The following BAHCC1 variants were observed in gnomAD, a reference collection of about 807,000 sequenced individuals.
BAHCC1 encodes the protein BAH domain and coiled-coil containing 1.
Under a neutral mutation model 88.2 loss-of-function variants are expected in BAHCC1, and 43 were observed. The observed-to-expected ratio is 0.49, with a 90% CI of 0.38 to 0.63. BAHCC1 has a LOEUF of 0.63. BAHCC1 is among the 20% of genes least tolerant of loss of function. The probability of loss-of-function intolerance (pLI) is 0.00; values close to 1 mark genes in which losing one functional copy is unlikely to be tolerated. For missense variants in BAHCC1, 3,023 were observed against 1,654.8 expected (o/e 1.83, Z -14.34); for synonymous variants, 1,510 against 745.5 (o/e 2.03, Z -16.71).
chr17:81,456,953 C>A (rs1055672018), intron 16 of BAHCC1, among the ~76,000 whole-genome samples: 1 of 148,168 alleles, frequency 6.7e-6, no homozygotes, highest in African/African-American at 2.5e-5. Context: ...CCACCCCCCC[C>A]AGCAAACACG....
Position 81,442,134 on chromosome 17 carries a change from G to T in BAHCC1, c.785G>T (p.Cys262Phe). The change falls in exon 5 of 28, where the codon TGC becomes TTC. Residue 262 changes from cysteine to phenylalanine, a missense_variant. Physicochemically the swap from Cys to Phe is radical, Grantham distance 205. Transcript: ENST00000675386. ...LVLPVPADGH[C>F]REGGPAPRGA... The stretch of plus-strand genomic sequence containing the variant: ...CTGCCCGTGCCAGCCGACGGGCACT[G>T]CAGGGAGGGCGGCCCCGCACCCCGA... 3.0e-6 allele frequency: 2 copies of T among 668,698 alleles called. No homozygotes were observed. Among genetic ancestry groups the T allele is most frequent in the Non-Finnish European group, 5.4e-6 (2 of 367,144 alleles). 41.4% of individuals were successfully genotyped at this position (668,698 alleles called of 1,614,324 possible). A position where few individuals can be genotyped will look rare whatever the true frequency, so the allele number is the denominator to read the frequency against.
At chr17:81,439,543 C>T (rs973225538) in intron 4 of BAHCC1, among the ~76,000 whole-genome samples, 4 of 111,364 alleles carry the variant, frequency 3.6e-5, no homozygotes, top group South Asian at 3.2e-4. Flanking sequence ...TCTGGACACA[C>T]GGGGTGGGGT....
At position 81,450,350 on chromosome 17, in the gene BAHCC1, G is replaced by T. The variant is rs999230102; in HGVS notation, c.3977-1318G>T. On this transcript the variant is annotated intron_variant, in intron 11 of 27. Coordinates refer to ENST00000675386, the MANE Select transcript of BAHCC1 (RefSeq NM_001377448.1). ...CTCAGGGCTGGCTTCCCCTACTCAG[G>T]CCCTGAGTCCCCAACCTGGGCCCGA... Among the ~76,000 whole-genome samples, 16 of 152,206 alleles carry T rather than the reference G, an allele frequency of 1.1e-4. No homozygotes were observed. In the East Asian group the frequency reaches 3.1e-3, roughly 30 times the overall value.
At chr17:81,436,029 C>T (rs1363702569) in intron 3 of BAHCC1, among the ~76,000 whole-genome samples, 4 of 152,164 alleles carry the variant, frequency 2.6e-5, no homozygotes, top group South Asian at 2.1e-4. Flanking sequence ...CTTTCTCTGC[C>T]CCCTGCCCAA....
rs202044771 is a variant in BAHCC1, at chr17:81,407,352, C to T, written c.178+7435C>T. The T allele has an allele frequency of 5.0e-4, 261 of 520,068 alleles. 3 individuals are homozygous for T. Among genetic ancestry groups the T allele is most frequent in the Middle Eastern group, 3.2e-4 (1 of 3,146 alleles). 32.2% of individuals were successfully genotyped at this position (520,068 alleles called of 1,614,324 possible). A position where few individuals can be genotyped will look rare whatever the true frequency, so the allele number is the denominator to read the frequency against. On this transcript the variant is annotated intron_variant, in intron 2 of 27. Coordinates refer to ENST00000675386, the MANE Select transcript of BAHCC1 (RefSeq NM_001377448.1). ...CCATATTAAGTAAGAAAGAAACCAGCCTGCTGGCGTCTTCAAGGGAAGTCG... is the reference window on the plus strand; with the variant it reads ...CCATATTAAGTAAGAAAGAAACCAGTCTGCTGGCGTCTTCAAGGGAAGTCG...
intron 20 of BAHCC1, 26 bp from the exon 21 acceptor site, chr17:81,459,028 C>T (rs782470512): frequency 2.5e-5 from 18 of 732,454 alleles, no homozygotes; most frequent in East Asian, 7.7e-5. Flanking sequence ...TAGGCCGTGC[C>T]GGCCGCTGAC....
Position 81,458,436 on chromosome 17 carries a change from C to T in BAHCC1, c.5313C>T (p.Arg1771=), listed in dbSNP as rs1346846296. The part of the protein sequence containing the change: ...LASERLKRAT[R]KGTVLQPVLR... Reference sequence around the variant, plus strand: ...GTGAGCGCCTCAAGAGGGCCACGCGCAAGGGCACAGTGCTGCAGCCAGTGC... The same window carrying T: ...GTGAGCGCCTCAAGAGGGCCACGCGTAAGGGCACAGTGCTGCAGCCAGTGC... The change falls in exon 18 of 28, where the codon CGC becomes CGT. Residue 1771 remains arginine (R), a synonymous_variant. Coordinates refer to ENST00000675386, the MANE Select transcript of BAHCC1 (RefSeq NM_001377448.1). 4 of 737,518 alleles carry T rather than the reference C, an allele frequency of 5.4e-6. No homozygotes were observed. The highest frequency in any genetic ancestry group is 7.5e-6 in the Non-Finnish European group (3 of 400,602). The allele number at this position is 737,518 out of a possible 1,614,324, so 45.7% of individuals were successfully genotyped here.
chr17:81,408,597 C>T (rs1457397775), intron 2 of BAHCC1, among the ~76,000 whole-genome samples: 1 of 152,174 alleles, frequency 6.6e-6, no homozygotes, highest in Non-Finnish European at 1.5e-5. Flanking sequence ...GTGACTCTGC[C>T]TAAGTGGAGA....
At chr17:81,448,151 G>T (rs892679332) in intron 11 of BAHCC1, among the ~76,000 whole-genome samples, 17 of 152,200 alleles carry the variant, frequency 1.1e-4, no homozygotes, top group African/African-American at 4.1e-4. Flanking sequence ...CTGAACAGGG[G>T]CTCGCGTCCT....
In BAHCC1 at chr17:81,442,302, G is replaced by T; in HGVS notation, c.953G>T (p.Gly318Val). Reference protein sequence around the residue: ...GRPGTGVVTSGRCAKEAAGPP... With the variant: ...GRPGTGVVTSVRCAKEAAGPP... ...CCTGGCACGGGGGTGGTGACCTCCG[G>T]GCGCTGTGCAAAGGAGGCAGCAGGC... Residue 318 changes from glycine to valine, a missense_variant, in exon 5 of 28, where the codon GGG becomes GTG. Physicochemically the swap from Gly to Val is moderately radical, Grantham distance 109 (BLOSUM62 -3). Transcript: ENST00000675386. 1 of 650,882 alleles carries T rather than the reference G, an allele frequency of 1.5e-6. No homozygotes were observed. 40.3% of individuals were successfully genotyped at this position (650,882 alleles called of 1,614,324 possible).
intron 11 of BAHCC1, 82 bp from the exon 12 acceptor site, chr17:81,451,584 CAG>C: frequency 1.5e-6 from 1 of 649,624 alleles, no homozygotes; most frequent in Non-Finnish European, 2.8e-6. Context: ...TGGGTGGCTT[CAG>C]GGGGCCAGGG....
At chr17:81,404,504 C>G (rs999710476) in intron 2 of BAHCC1, among the ~76,000 whole-genome samples, 2 of 152,270 alleles carry the variant, frequency 1.3e-5, no homozygotes, top group Admixed American at 6.5e-5. Context: ...GGGTCATTGT[C>G]CCCTGAGAAG....
Position 81,459,340 on chromosome 17 carries a change from G to T in BAHCC1, c.5796+12G>T, listed in dbSNP as rs137902014. 1,211 of 776,744 alleles carry T rather than the reference G, an allele frequency of 1.6e-3. 12 individuals are homozygous for T. The African/African-American group carries it at 0.019, about 12-fold the overall frequency. 48.1% of individuals were successfully genotyped at this position (776,744 alleles called of 1,614,324 possible). A position where few individuals can be genotyped will look rare whatever the true frequency, so the allele number is the denominator to read the frequency against. ...TGCTGCAGGAAGCGGTGAGGACCGG[G>T]CCGGCCCGCCCCGGGGAGGGGCCTG... On this transcript the variant is annotated intron_variant, in intron 22 of 27. Coordinates refer to ENST00000675386, the MANE Select transcript of BAHCC1 (RefSeq NM_001377448.1).
chr17:81,419,788 C>CT (rs781909536), intron 2 of BAHCC1, among the ~76,000 whole-genome samples: 17,528 of 102,204 alleles, frequency 0.17, 2,216 homozygotes, highest in South Asian at 0.31. Context: ...CTCAACGAGG[C>CT]GTTTTTTTTT....
chr17:81,429,101 G>A (rs1012697471), intron 3 of BAHCC1, among the ~76,000 whole-genome samples: 23 of 152,224 alleles, frequency 1.5e-4, no homozygotes, highest in African/African-American at 5.1e-4. Context: ...TGGGCGAGAC[G>A]CATCTCCCGC....
At chr17:81,430,052 CG>C (rs2064243208) in intron 3 of BAHCC1, among the ~76,000 whole-genome samples, 2 of 152,026 alleles carry the variant, frequency 1.3e-5, no homozygotes. Context: ...CTCCCACCAG[CG>C]GTGGGCCTCT....
intron 2 of BAHCC1, among the ~76,000 whole-genome samples, chr17:81,420,727 G>A (rs2064106669): frequency 6.6e-6 from 1 of 152,268 alleles, no homozygotes; most frequent in Non-Finnish European, 1.5e-5. Context: ...CTGGGCAGTG[G>A]GGGCAGCCAA....
At position 81,465,551 on chromosome 17, in the gene BAHCC1, T is replaced by C. The variant is rs1211979761; in HGVS notation, c.*1734T>C. 6.6e-6 allele frequency: 1 copy of C among 152,336 alleles called. No individual in the cohort carries two copies. The highest frequency in any genetic ancestry group is 1.5e-5 in the Non-Finnish European group (1 of 68,152). 9.4% of individuals were successfully genotyped at this position (152,336 alleles called of 1,614,324 possible). A position where few individuals can be genotyped will look rare whatever the true frequency, so the allele number is the denominator to read the frequency against. On this transcript the variant is annotated 3_prime_UTR_variant, in exon 28 of 28. Coordinates refer to ENST00000675386, the MANE Select transcript of BAHCC1 (RefSeq NM_001377448.1). ...AAGGTTCCCCTGGCCCCACGGGAGC[T>C]TCAGGAAAGCCCCCCAAGTTAGCCA... is the stretch of plus-strand genomic sequence containing the variant.
chr17:81,400,018 TCCCGGC>T, intron 2 of BAHCC1, 101 bp downstream of exon 2: 1 of 1,033,552 alleles, frequency 9.7e-7, no homozygotes, highest in Non-Finnish European at 1.2e-6. Context: ...TGGTTTCATT[TCCCGGC>T]CCCGGCCGCG....
Sources: allele counts gnomAD v4.1 joint callset (sites outside exome capture counted in the v4.1 genomes callset), GRCh38; gene constraint gnomAD v4.1.1; transcripts MANE v1.5; gene names NCBI Gene and HGNC (gene_info 2026-07-23, HGNC 2026-07-21).